CDCA7: variants seen among roughly 807,000 people sequenced by gnomAD.
CDCA7 encodes the protein cell division cycle associated 7.
A neutral mutation model predicts 54.0 loss-of-function variants in CDCA7; 28 were observed. The observed-to-expected ratio is 0.52, with a 90% confidence interval of 0.38 to 0.71. CDCA7 has a LOEUF of 0.71. Among genes scored for constraint, CDCA7 ranks in the 30% least tolerant of loss-of-function variants. CDCA7 has a pLI of 0.00. For missense variants in CDCA7, 484 were observed against 586.0 expected, an observed-to-expected ratio of 0.83 and a Z score of 1.80; for synonymous variants, 180 against 208.2, an observed-to-expected ratio of 0.86 and a Z score of 1.16.
Position 173,358,832 on chromosome 2 carries a change from A to C in CDCA7, c.142A>C (p.Asn48His). The part of the protein sequence containing the change: ...CDSFASDNFA[N>H]TKPKFRSDIS... ...CAGCTTTGCTTCTGATAATTTTGCAAACACGGTAAGTGCTGCCTGAGAATA... is the reference window on the plus strand; with the variant it reads ...CAGCTTTGCTTCTGATAATTTTGCACACACGGTAAGTGCTGCCTGAGAATA... Residue 48 changes from asparagine to histidine, a missense_variant, in exon 2 of 10, where the codon AAC becomes CAC. Around this residue, in one of 3 missense-constraint regions of CDCA7, gnomAD observed 398 missense variants for 447.4 expected, o/e 0.89. Coordinates refer to ENST00000306721, the MANE Select transcript of CDCA7 (RefSeq NM_031942.5). 1.2e-6 allele frequency: 2 copies of C among 1,613,258 alleles called. No homozygotes were observed. The highest frequency in any genetic ancestry group is 1.1e-5 in the South Asian group (1 of 90,888).
At position 173,366,589 on chromosome 2, in the gene CDCA7, A is replaced by C. The variant is rs1185570067; in HGVS notation, c.1185+157A>C. 6.6e-6 allele frequency among the ~76,000 whole-genome samples: 1 copy of C among 152,116 alleles called. No individual in the cohort carries two copies. Among genetic ancestry groups the C allele is most frequent in the Non-Finnish European group, 1.5e-5 (1 of 68,018 alleles). Reference sequence around the variant, plus strand: ...GAGTCTCATTCTGTCGCCAGGCTGCAGTGCAGTGGCGCGATCTCAGCTCAC... The same window carrying C: ...GAGTCTCATTCTGTCGCCAGGCTGCCGTGCAGTGGCGCGATCTCAGCTCAC... On this transcript the variant is annotated intron_variant, in intron 8 of 9. Transcript: ENST00000306721. This position sits in a 1 kb window ranked among gnomAD's most constrained non-coding sequence, Gnocchi z 4.5.
chr2:173,358,553 T>A (rs915092110), intron 1 of CDCA7, 159 bp from the exon 2 acceptor site: 25 of 720,162 alleles, frequency 3.5e-5, no homozygotes, highest in Non-Finnish European at 5.2e-5. Context: ...AAAGAAAAAA[T>A]TTTTTGTAGC....
intron 3 of CDCA7, among the ~76,000 whole-genome samples, chr2:173,360,171 A>C (rs1429143221): frequency 2.0e-5 from 3 of 152,226 alleles, no homozygotes; most frequent in Non-Finnish European, 4.4e-5. Flanking sequence ...CTGGTCTGAC[A>C]TGGATCCACT....
rs1220522546 is a variant in CDCA7, at chr2:173,365,584, C to T, written c.1027C>T (p.Arg343Cys). The change falls in exon 7 of 10, where the codon CGT becomes TGT. Residue 343 changes from arginine to cysteine, a missense_variant. Transcript: ENST00000306721. The stretch of plus-strand genomic sequence containing the variant: ...CAATTCTCGAGAGAAGATATATAAC[C>T]GTTCACTGGTGAGAGCCTCTAAATT... ...CSNSREKIYN[R>C]SLGSTCHQCR... The T allele has an allele frequency of 1.1e-5, 18 of 1,613,712 alleles. No individual in the cohort carries two copies. The highest frequency in any genetic ancestry group is 4.4e-5 in the South Asian group (4 of 90,978).
At chr2:173,364,016 T>C (rs1529887) in intron 5 of CDCA7, 121 bp downstream of exon 5, 417,168 of 874,284 alleles carry the variant, frequency 0.48, 102,730 homozygotes, top group East Asian at 0.56. Context: ...GAAGGGGACC[T>C]AGAGGAAACC....
rs1210116489 is a variant in CDCA7 at position 173,368,594 on chromosome 2, T to A, written c.*930T>A. 3 of 152,244 alleles carry A rather than the reference T, an allele frequency of 2.0e-5. No homozygotes were observed. In the East Asian group the frequency reaches 5.8e-4, roughly 29 times the overall value. The allele number at this position is 152,244 out of a possible 1,614,324, so 9.4% of individuals were successfully genotyped here. On this transcript the variant is annotated 3_prime_UTR_variant, in exon 10 of 10. Coordinates refer to ENST00000306721, the MANE Select transcript of CDCA7 (RefSeq NM_031942.5). ...GTTCAAGTTTAGATTTTAAGCACTT[T>A]TATAACAATGATAAGTGCCTTTTTG...
At position 173,364,948 on chromosome 2, in the gene CDCA7, A is replaced by G; in HGVS notation, c.853A>G (p.Met285Val). The G allele has an allele frequency of 6.3e-7, 1 of 1,598,396 alleles. No homozygotes were observed. The highest frequency in any genetic ancestry group is 8.5e-7 in the Non-Finnish European group (1 of 1,174,770). Reference protein sequence around the residue: ...MEEEEEEDKYMLVRKRKTVDG... With the variant: ...MEEEEEEDKYVLVRKRKTVDG... The stretch of plus-strand genomic sequence containing the variant: ...GGAGGAGGAGGAAGAGGATAAGTAC[A>G]TGTTGGTGAGAAAGAGGAAGACCGT... Residue 285 changes from methionine to valine, a missense_variant, in exon 6 of 10, where the codon ATG becomes GTG. Coordinates refer to ENST00000306721, the MANE Select transcript of CDCA7 (RefSeq NM_031942.5).
chr2:173,364,416 G>A (rs2106391326), intron 5 of CDCA7: 1 of 165,698 alleles, frequency 6.0e-6, no homozygotes, highest in African/African-American at 2.4e-5. Context: ...GGAAAGGAAA[G>A]ATGGAAAGAG....
chr2:173,358,517 G>C (rs999748780), intron 1 of CDCA7, 195 bp from the exon 2 acceptor site: 1 of 488,670 alleles, frequency 2.0e-6, no homozygotes, highest in South Asian at 3.0e-5. Flanking sequence ...AAGACAGAGC[G>C]AGATCCTGCT....
At chr2:173,365,658 A>T in intron 7 of CDCA7, 66 bp downstream of exon 7, 1 of 1,557,620 alleles carries the variant, frequency 6.4e-7, no homozygotes, top group Non-Finnish European at 8.7e-7. Context: ...TTCTGTCCCT[A>T]AGCGTTGCCC....
At position 173,363,816 on chromosome 2, in the gene CDCA7, A is replaced by G; in HGVS notation, c.622-2A>G. The G allele has an allele frequency of 6.2e-7, 1 of 1,613,816 alleles. No homozygotes were observed. Among genetic ancestry groups the G allele is most frequent in the Non-Finnish European group, 8.5e-7 (1 of 1,179,900 alleles). ...TATCAGTTTAATTTCCTCCCTTTTTAGCTTGCAAAACTCATGTCTGAATTA... is the reference window on the plus strand; with the variant it reads ...TATCAGTTTAATTTCCTCCCTTTTTGGCTTGCAAAACTCATGTCTGAATTA... On this transcript the variant is annotated splice_acceptor_variant, in intron 4 of 9. Coordinates refer to ENST00000306721, the MANE Select transcript of CDCA7 (RefSeq NM_031942.5). LOFTEE classifies it high-confidence loss of function.
In CDCA7 at chr2:173,367,413, A is replaced by G. The variant is rs375566081; in HGVS notation, c.1322+127A>G. The G allele has an allele frequency of 4.1e-5, 59 of 1,428,354 alleles. 1 individual carries two copies. The highest frequency in any genetic ancestry group is 3.4e-4 in the African/African-American group (24 of 70,424). The allele number at this position is 1,428,354 out of a possible 1,614,324, so 88.5% of individuals were successfully genotyped here. ...GTGGAGACTGACTGGAACGGGGCACACTGGAAGGGATGGGAACATTTTCTG... is the reference window on the plus strand; with the variant it reads ...GTGGAGACTGACTGGAACGGGGCACGCTGGAAGGGATGGGAACATTTTCTG... On this transcript the variant is annotated intron_variant, in intron 9 of 9. Transcript: ENST00000306721.
chr2:173,363,084 G>A, intron 3 of CDCA7, 142 bp from the exon 4 acceptor site: 1 of 780,700 alleles, frequency 1.3e-6, no homozygotes, highest in Non-Finnish European at 2.2e-6. Context: ...ACTCTTTGTG[G>A]TTCCTGATTT....
Position 173,358,762 on chromosome 2 carries a change from G to C in CDCA7, c.72G>C (p.Lys24Asn). ...ACTTAAAGAAATTCAGATATGTGAA[G>C]TTGATTTCCATGGAAACCTCGTCAT... ...KKNLKKFRYV[K>N]LISMETSSSS... The change falls in exon 2 of 10, where the codon AAG becomes AAC. Residue 24 changes from lysine (K) to asparagine (N), a missense_variant. This residue lies in a region of CDCA7 where 398 missense variants were observed against 447.4 expected (regional missense o/e 0.89). Transcript: ENST00000306721. The C allele has an allele frequency of 6.2e-7, 1 of 1,614,028 alleles. No individual in the cohort carries two copies. The highest frequency in any genetic ancestry group is 8.5e-7 in the Non-Finnish European group (1 of 1,179,986).
Position 173,354,884 on chromosome 2 carries a change from C to G in CDCA7, c.-80C>G, listed in dbSNP as rs569902046. ...GCCTGCCAGCCGCGCTGCTGCTGCT[C>G]CTCCTGCTGTGGGACCGCTGACCGC... On this transcript the variant is annotated 5_prime_UTR_variant, in exon 1 of 10. Coordinates refer to ENST00000306721, the MANE Select transcript of CDCA7 (RefSeq NM_031942.5). The G allele has an allele frequency of 4.1e-4, 583 of 1,413,906 alleles. 5 individuals are homozygous for G. The African/African-American group carries it at 8.2e-3, about 20-fold the overall frequency. The allele number at this position is 1,413,906 out of a possible 1,614,324, so 87.6% of individuals were successfully genotyped here. A position where few individuals can be genotyped will look rare whatever the true frequency, so the allele number is the denominator to read the frequency against.
At chr2:173,360,015 A>G (rs1574216347) in intron 3 of CDCA7, among the ~76,000 whole-genome samples, 1 of 152,066 alleles carries the variant, frequency 6.6e-6, no homozygotes, top group South Asian at 2.1e-4. Context: ...CCTTCCTTTA[A>G]CTGCCGCTGC....
intron 3 of CDCA7, among the ~76,000 whole-genome samples, chr2:173,360,875 A>G (rs1686607776): frequency 6.6e-6 from 1 of 151,840 alleles, no homozygotes; most frequent in Non-Finnish European, 1.5e-5. Flanking sequence ...TTAACCTGCA[A>G]CCATTACCAT....
chr2:173,360,874 A>G (rs1686607723), intron 3 of CDCA7, among the ~76,000 whole-genome samples: 1 of 151,916 alleles, frequency 6.6e-6, no homozygotes, highest in Non-Finnish European at 1.5e-5. Flanking sequence ...TTTAACCTGC[A>G]ACCATTACCA....
chr2:173,354,873 C>G lies in CDCA7; in HGVS notation c.-91C>G. 7.2e-7 allele frequency: 1 copy of G among 1,388,560 alleles called. No homozygotes were observed. Among genetic ancestry groups the G allele is most frequent in the Non-Finnish European group, 9.4e-7 (1 of 1,064,090 alleles). 86.0% of individuals were successfully genotyped at this position (1,388,560 alleles called of 1,614,324 possible). ...CGGCGCGCCCAGCCTGCCAGCCGCGCTGCTGCTGCTCCTCCTGCTGTGGGA... is the reference window on the plus strand; with the variant it reads ...CGGCGCGCCCAGCCTGCCAGCCGCGGTGCTGCTGCTCCTCCTGCTGTGGGA... On this transcript the variant is annotated 5_prime_UTR_variant, in exon 1 of 10. Coordinates refer to ENST00000306721, the MANE Select transcript of CDCA7 (RefSeq NM_031942.5).
Sources: gnomAD v4.1 joint callset for allele counts (sites outside exome capture counted in the v4.1 genomes callset) on GRCh38, gnomAD v4.1.1 for gene constraint, gnomAD v4.1.1 regional missense constraint, Gnocchi (gnomAD v3.1) non-coding constraint, MANE v1.5 for transcripts, NCBI Gene and HGNC (gene_info 2026-07-23, HGNC 2026-07-21) for gene names.